Variants in TRPC1 observed in about 807,000 individuals in gnomAD.
TRPC1 encodes short transient receptor potential channel 1.
In TRPC1, 42 loss-of-function variants were observed where a neutral mutation model predicts 88.2. The ratio of observed to expected loss-of-function variants is 0.48; its 90% CI spans 0.37 to 0.62. The LOEUF (loss-of-function observed/expected upper bound fraction) is 0.62. Ranked by LOEUF, TRPC1 falls within the 20% of genes least tolerant of loss-of-function variation. The pLI is 0.00. For synonymous variants in TRPC1, 288 were observed against 331.8 expected, an observed-to-expected ratio of 0.87 and a Z score of 1.43; for missense variants, 699 against 957.3, an observed-to-expected ratio of 0.73 and a Z score of 3.56.
Position 142,804,062 on chromosome 3 carries a change from G to C in TRPC1, c.1843G>C (p.Glu615Gln), listed in dbSNP as rs1936701585. The C allele has an allele frequency of 6.2e-7, 1 of 1,613,726 alleles. No individual in the cohort carries two copies. The highest frequency in any genetic ancestry group is 1.3e-5 in the African/African-American group (1 of 74,918). ...CTTTGTCACAAGATTTAGCTATGGA[G>C]AAGAACTGCAGTCCTTTGTGGGAGC... is the stretch of plus-strand genomic sequence containing the variant. ...AIFVTRFSYG[E>Q]ELQSFVGAVI... Residue 615 changes from glutamate (E) to glutamine (Q), a missense_variant, in exon 11 of 13, where the codon GAA (glutamate) becomes CAA (glutamine). Around this residue, in one of 4 missense-constraint regions of TRPC1, gnomAD observed 426 missense variants for 641.3 expected, o/e 0.66. Coordinates refer to ENST00000476941, the MANE Select transcript of TRPC1 (RefSeq NM_001251845.2).
At chr3:142,740,115 C>G (rs1247943806) in intron 2 of TRPC1, among the ~76,000 whole-genome samples, 1 of 152,174 alleles carries the variant, frequency 6.6e-6, no homozygotes, top group African/African-American at 2.4e-5. Context: ...ACAGTTTCAT[C>G]CGAAACTATC....
At chr3:142,794,515 C>G (rs1578006367) in intron 9 of TRPC1, among the ~76,000 whole-genome samples, 1 of 152,220 alleles carries the variant, frequency 6.6e-6, no homozygotes, top group East Asian at 1.9e-4. Flanking sequence ...CAGTAAACAA[C>G]AGTGATCTCT....
At chr3:142,771,087 C>T (rs975582046) in intron 4 of TRPC1, among the ~76,000 whole-genome samples, 2 of 152,126 alleles carry the variant, frequency 1.3e-5, no homozygotes, top group East Asian at 3.8e-4. Context: ...CAAGAACTCA[C>T]TTATTACTGC....
chr3:142,739,746 G>A (rs571014435), intron 2 of TRPC1, among the ~76,000 whole-genome samples: 146 of 152,272 alleles, frequency 9.6e-4, no homozygotes, highest in Middle Eastern at 3.4e-3. Flanking sequence ...CTGGGAAATG[G>A]AAAGTGGGAA....
At position 142,792,470 on chromosome 3, in the gene TRPC1, GAATT is replaced by G. The variant is rs1178343596; in HGVS notation, c.1438-349_1438-346del. On this transcript the variant is annotated intron_variant, in intron 8 of 12. Transcript: ENST00000476941. This position sits in a 1 kb window ranked among gnomAD's most constrained non-coding sequence, Gnocchi z 4.0. Reference sequence around the variant, plus strand: ...CAGTAGGTTAATGTAATATGATAGGGAATTAATTGACAGCACATGTACTTAACGT... The same window carrying G: ...CAGTAGGTTAATGTAATATGATAGGGAATTGACAGCACATGTACTTAACGT... 6.6e-6 allele frequency among the ~76,000 whole-genome samples: 1 copy of G among 151,826 alleles called. No individual in the cohort carries two copies. The highest frequency in any genetic ancestry group is 1.5e-5 in the Non-Finnish European group (1 of 67,906).
chr3:142,729,036 G>A (rs1577936740), intron 1 of TRPC1, among the ~76,000 whole-genome samples: 1 of 152,310 alleles, frequency 6.6e-6, no homozygotes, highest in East Asian at 1.9e-4. Context: ...TAGCATTTAT[G>A]TACTTTATAT....
At chr3:142,787,922 G>A (rs1015126298) in intron 7 of TRPC1, among the ~76,000 whole-genome samples, 5 of 152,162 alleles carry the variant, frequency 3.3e-5, no homozygotes, top group African/African-American at 1.2e-4. Flanking sequence ...ACTCTAGGCT[G>A]AGATAAAAGC....
chr3:142,736,713 T>A (rs1275933414), intron 2 of TRPC1, among the ~76,000 whole-genome samples, 180 bp downstream of exon 2: 1 of 152,132 alleles, frequency 6.6e-6, no homozygotes, highest in African/African-American at 2.4e-5. Flanking sequence ...CACTAAAAGT[T>A]TTAAAAACAA....
chr3:142,783,049 T>C (rs1273948396), intron 6 of TRPC1, among the ~76,000 whole-genome samples: 1 of 152,166 alleles, frequency 6.6e-6, no homozygotes, highest in Admixed American at 6.5e-5. Context: ...AATTGAAGAG[T>C]AGGAAATTTT....
At chr3:142,768,544 T>C (rs374558551) in intron 4 of TRPC1, among the ~76,000 whole-genome samples, 83 of 152,144 alleles carry the variant, frequency 5.5e-4, no homozygotes, top group Middle Eastern at 3.2e-3. Flanking sequence ...TGACAGTTTT[T>C]GCCTTTTGAT....
At chr3:142,778,856 A>C (rs1303770314) in intron 5 of TRPC1, among the ~76,000 whole-genome samples, 1 of 152,204 alleles carries the variant, frequency 6.6e-6, no homozygotes, top group Non-Finnish European at 1.5e-5. Context: ...TTATATTTTC[A>C]AGTTTGGAAC....
At chr3:142,747,824 G>C (rs1462128384) in intron 3 of TRPC1, among the ~76,000 whole-genome samples, 1 of 152,146 alleles carries the variant, frequency 6.6e-6, no homozygotes, top group African/African-American at 2.4e-5. Context: ...GTTTGCCATA[G>C]AGGTGAAATT....
rs765231547 is a variant in TRPC1, at chr3:142,802,289, CAGA to C, written c.1705_1707del (p.Lys569del). ...TGATAAAGGATATACTTCAAAGGAG[CAGA>C]AGGACTGTGTAGGCATCTTCTGTGA... On this transcript the variant is annotated inframe_deletion, in exon 10 of 13. Coordinates refer to ENST00000476941, the MANE Select transcript of TRPC1 (RefSeq NM_001251845.2). 37 of 1,593,412 alleles carry C rather than the reference CAGA, an allele frequency of 2.3e-5. No individual in the cohort carries two copies. The highest frequency in any genetic ancestry group is 4.6e-5 in the East Asian group (2 of 43,882).
rs949617932 is a variant in TRPC1, at chr3:142,724,304, G to C, written c.-256G>C. 1 of 244,140 alleles carries C rather than the reference G, an allele frequency of 4.1e-6. No individual in the cohort carries two copies. Among genetic ancestry groups the C allele is most frequent in the Non-Finnish European group, 7.8e-6 (1 of 128,132 alleles). 15.1% of individuals were successfully genotyped at this position (244,140 alleles called of 1,614,324 possible). A position where few individuals can be genotyped will look rare whatever the true frequency, so the allele number is the denominator to read the frequency against. ...ACGGGCGCGGACCGGCTCGGCCGGG[G>C]CGCCGGCGGCTGGGGAGGGGTCGCT... On this transcript the variant is annotated 5_prime_UTR_variant, in exon 1 of 13. Coordinates refer to ENST00000476941, the MANE Select transcript of TRPC1 (RefSeq NM_001251845.2). This position sits in a 1 kb window ranked among gnomAD's most constrained non-coding sequence, Gnocchi z 5.6.
chr3:142,795,345 C>CAG (rs34871819), intron 9 of TRPC1, among the ~76,000 whole-genome samples: 54,638 of 151,458 alleles, frequency 0.36, 13,967 homozygotes, highest in African/African-American at 0.74. Context: ...TATAAACCCA[C>CAG]ATCCAAGAAG....
intron 4 of TRPC1, among the ~76,000 whole-genome samples, chr3:142,773,610 T>G: frequency 6.9e-6 from 1 of 145,038 alleles, no homozygotes; most frequent in African/African-American, 2.6e-5. Context: ...TTAGGGGGTA[T>G]GGGTCATACT....
chr3:142,796,974 A>C (rs1362685483), intron 9 of TRPC1, among the ~76,000 whole-genome samples: 3 of 152,132 alleles, frequency 2.0e-5, no homozygotes, highest in African/African-American at 7.2e-5. Context: ...CATATTTGAT[A>C]GGACCCAGAC....
chr3:142,769,728 T>G (rs1446032053), intron 4 of TRPC1, among the ~76,000 whole-genome samples: 1 of 152,188 alleles, frequency 6.6e-6, no homozygotes, highest in Non-Finnish European at 1.5e-5. Context: ...CCATTGTGGT[T>G]GGAGAACATA....
In TRPC1 at chr3:142,754,434, G is replaced by A. The variant is rs1409061038; in HGVS notation, c.632+5974G>A. ...CATAAAGTATAATAAAAAAAATGAC[G>A]AGTTAATGTAATGGATGCAGCACAC... On this transcript the variant is annotated intron_variant, in intron 4 of 12. Transcript: ENST00000476941. 4.6e-5 allele frequency among the ~76,000 whole-genome samples: 7 copies of A among 151,912 alleles called. No homozygotes were observed. The East Asian group carries it at 1.3e-3, about 29-fold the overall frequency.
Sources: gnomAD v4.1 joint callset for allele counts (sites outside exome capture counted in the v4.1 genomes callset) on GRCh38, gnomAD v4.1.1 for gene constraint, gnomAD v4.1.1 regional missense constraint, Gnocchi (gnomAD v3.1) non-coding constraint, MANE v1.5 for transcripts, NCBI Gene and HGNC (gene_info 2026-07-23, HGNC 2026-07-21) for gene names.